Variants in MTHFD2 observed in about 807,000 individuals in gnomAD.
The protein encoded by MTHFD2 is bifunctional methylenetetrahydrofolate dehydrogenase/cyclohydrolase, mitochondrial.
MTHFD2 carries 26 observed loss-of-function variants against 36.8 expected under a neutral mutation model. The observed-to-expected ratio is 0.71, with a 90% CI of 0.52 to 0.98. The LOEUF (loss-of-function observed/expected upper bound fraction) is 0.98, where lower values mean the gene tolerates loss of function less well. Among genes scored for constraint, MTHFD2 ranks in the 50% least tolerant of loss-of-function variants. MTHFD2 has a pLI of 0.00. For synonymous variants in MTHFD2, 164 were observed against 155.2 expected (o/e 1.06, Z -0.42); for missense variants, 373 against 434.0 (o/e 0.86, Z 1.25).
rs1361516443 is a variant in MTHFD2 at position 74,216,357 on chromosome 2, C to G, written c.*2115C>G. 1 of 152,092 alleles carries G rather than the reference C, an allele frequency of 6.6e-6. No individual in the cohort carries two copies. Among genetic ancestry groups the G allele is most frequent in the Non-Finnish European group, 1.5e-5 (1 of 68,022 alleles). The allele number at this position is 152,092 out of a possible 1,614,324, so 9.4% of individuals were successfully genotyped here. A position where few individuals can be genotyped will look rare whatever the true frequency, so the allele number is the denominator to read the frequency against. On this transcript the variant is annotated 3_prime_UTR_variant, in exon 8 of 8. Transcript: ENST00000394053. ...TAAAAGCTATGGAAATTAAAATGTTCATGTATATACAAAATATAAATGACA... is the reference window on the plus strand; with the variant it reads ...TAAAAGCTATGGAAATTAAAATGTTGATGTATATACAAAATATAAATGACA...
intron 4 of MTHFD2, 94 bp from the exon 5 acceptor site, chr2:74,209,848 G>A: frequency 1.0e-6 from 1 of 965,616 alleles, no homozygotes. Flanking sequence ...CCAGTTGACT[G>A]ATGAGGCAAA....
At chr2:74,203,876 G>A (rs370431357) in intron 1 of MTHFD2, among the ~76,000 whole-genome samples, 3 of 39,322 alleles carry the variant, frequency 7.6e-5, no homozygotes, top group South Asian at 9.7e-4. Flanking sequence ...GTTTAGTTTA[G>A]TTTAGTTTAG....
At chr2:74,204,112 C>T (rs1231467268) in intron 1 of MTHFD2, among the ~76,000 whole-genome samples, 1 of 151,968 alleles carries the variant, frequency 6.6e-6, no homozygotes, top group Non-Finnish European at 1.5e-5. Context: ...CGGGGTTTTG[C>T]CATGTTGACC....
chr2:74,205,623 C>T, intron 1 of MTHFD2, 82 bp from the exon 2 acceptor site: 1 of 1,464,126 alleles, frequency 6.8e-7, no homozygotes, highest in Non-Finnish European at 9.2e-7. Flanking sequence ...GGATTACAGG[C>T]ATAAGCCACT....
chr2:74,203,861 G>T (rs566593877), intron 1 of MTHFD2, among the ~76,000 whole-genome samples: 4,651 of 64,300 alleles, frequency 0.072, 116 homozygotes, highest in East Asian at 0.13. Flanking sequence ...GTTTAGTTTA[G>T]TTTAGTTTAG....
intron 3 of MTHFD2, 42 bp from the exon 4 acceptor site, chr2:74,208,527 T>C (rs1205509346): frequency 3.1e-6 from 5 of 1,602,806 alleles, no homozygotes; most frequent in Non-Finnish European, 4.3e-6. Flanking sequence ...GTGCTGACTA[T>C]GCGGTGGTGA....
chr2:74,208,824 T>C, intron 4 of MTHFD2, 103 bp downstream of exon 4: 6 of 1,209,550 alleles, frequency 5.0e-6, no homozygotes, highest in Non-Finnish European at 7.0e-6. Flanking sequence ...CCCTACTGCA[T>C]ATCCTCTAGT....
chr2:74,207,157 C>G (rs1314558756), intron 2 of MTHFD2, among the ~76,000 whole-genome samples: 1 of 151,946 alleles, frequency 6.6e-6, no homozygotes, highest in Non-Finnish European at 1.5e-5. Context: ...GAGACGGAGT[C>G]TCGCTCTGTT....
chr2:74,211,961 T>TG, intron 7 of MTHFD2, 95 bp downstream of exon 7: 2 of 1,131,736 alleles, frequency 1.8e-6, no homozygotes, highest in South Asian at 3.4e-5. Flanking sequence ...TTTTTTTTTT[T>TG]TTTTTGAGAT....
rs1253446128 is a variant in MTHFD2, at chr2:74,216,479, T to C, written c.*2237T>C. 3.9e-5 allele frequency: 6 copies of C among 152,260 alleles called. No homozygotes were observed. Among genetic ancestry groups the C allele is most frequent in the African/African-American group, 1.2e-4 (5 of 41,474 alleles). The allele number at this position is 152,260 out of a possible 1,614,324, so 9.4% of individuals were successfully genotyped here. ...TCAAGCAGGTTTACTCTTGAATCCA[T>C]AGCATTTCTACAATTTAATTTGGAC... is the stretch of plus-strand genomic sequence containing the variant. On this transcript the variant is annotated 3_prime_UTR_variant, in exon 8 of 8. Coordinates refer to ENST00000394053, the MANE Select transcript of MTHFD2 (RefSeq NM_006636.4).
intron 1 of MTHFD2, among the ~76,000 whole-genome samples, chr2:74,204,101 A>C (rs1273460979): frequency 6.6e-6 from 1 of 151,864 alleles, no homozygotes; most frequent in Non-Finnish European, 1.5e-5. Context: ...TTTAGCAGAG[A>C]CGGGGTTTTG....
intron 2 of MTHFD2, 50 bp from the exon 3 acceptor site, chr2:74,207,652 TGC>T: frequency 6.5e-7 from 1 of 1,536,770 alleles, no homozygotes; most frequent in Non-Finnish European, 8.9e-7. Flanking sequence ...AACATAGCAG[TGC>T]TCATTAAATG....
At position 74,211,731 on chromosome 2, in the gene MTHFD2, C is replaced by T. The variant is rs1283383150; in HGVS notation, c.764-10C>T. The stretch of plus-strand genomic sequence containing the variant: ...AGTACTAAGTTGATCTTTCCTTTCT[C>T]CATTTCCAGGTATTCCAAATCTGAT... On this transcript the variant is annotated splice_polypyrimidine_tract_variant and intron_variant, in intron 6 of 7. Coordinates refer to ENST00000394053, the MANE Select transcript of MTHFD2 (RefSeq NM_006636.4). 2.5e-6 allele frequency: 4 copies of T among 1,601,188 alleles called. No homozygotes were observed. Among genetic ancestry groups the T allele is most frequent in the Middle Eastern group, 1.9e-4 (1 of 5,170 alleles).
intron 2 of MTHFD2, among the ~76,000 whole-genome samples, chr2:74,207,231 C>T (rs907086503): frequency 6.6e-6 from 1 of 151,090 alleles, no homozygotes; most frequent in Non-Finnish European, 1.5e-5. Context: ...CAGGTTCAAG[C>T]GATTCTCCTG....
At position 74,214,682 on chromosome 2, in the gene MTHFD2, T is replaced by G. The variant is rs1694391349; in HGVS notation, c.*440T>G. Reference sequence around the variant, plus strand: ...TTGCTAGAGAAAATTAGGGAAAAGGTGAAAAAGAAAAAATGGTAGTAATTG... The same window carrying G: ...TTGCTAGAGAAAATTAGGGAAAAGGGGAAAAAGAAAAAATGGTAGTAATTG... On this transcript the variant is annotated 3_prime_UTR_variant, in exon 8 of 8. Coordinates refer to ENST00000394053, the MANE Select transcript of MTHFD2 (RefSeq NM_006636.4). 1 of 152,684 alleles carries G rather than the reference T, an allele frequency of 6.5e-6. No individual in the cohort carries two copies. Among genetic ancestry groups the G allele is most frequent in the Non-Finnish European group, 1.5e-5 (1 of 68,224 alleles). 9.5% of individuals were successfully genotyped at this position (152,684 alleles called of 1,614,324 possible).
intron 5 of MTHFD2, 41 bp from the exon 6 acceptor site, chr2:74,211,158 C>G (rs774773218): frequency 7.6e-7 from 1 of 1,321,026 alleles, no homozygotes; most frequent in Non-Finnish European, 1.1e-6. Flanking sequence ...CCAATCCCAG[C>G]TTTGTGTCAG....
chr2:74,205,992 C>G, intron 2 of MTHFD2, 103 bp downstream of exon 2: 1 of 1,233,854 alleles, frequency 8.1e-7, no homozygotes, highest in Non-Finnish European at 1.1e-6. Context: ...GAAACCCAAG[C>G]AGAGGAGGCT....
chr2:74,208,847 AG>A, intron 4 of MTHFD2, 126 bp downstream of exon 4: 1 of 977,748 alleles, frequency 1.0e-6, no homozygotes, highest in Non-Finnish European at 1.5e-6. Flanking sequence ...TACTCCCCAA[AG>A]TTTACCTCTC....
chr2:74,209,590 T>A (rs909931453), intron 4 of MTHFD2, among the ~76,000 whole-genome samples: 33 of 151,782 alleles, frequency 2.2e-4, no homozygotes, highest in African/African-American at 8.0e-4. Flanking sequence ...GAGTCAGAGG[T>A]TTCATCATGC....
Sources: allele counts gnomAD v4.1 joint callset (sites outside exome capture counted in the v4.1 genomes callset), GRCh38; gene constraint gnomAD v4.1.1; transcripts MANE v1.5; gene names NCBI Gene and HGNC (gene_info 2026-07-23, HGNC 2026-07-21).